KDM3A: variants seen among roughly 807,000 people sequenced by gnomAD.
KDM3A encodes the protein lysine demethylase 3A, also known as lysine-specific demethylase 3A.
Under a neutral mutation model 158.0 loss-of-function variants are expected in KDM3A, and 60 were observed. The ratio of observed to expected loss-of-function variants is 0.38; its 90% CI spans 0.31 to 0.47. The LOEUF (loss-of-function observed/expected upper bound fraction) is 0.47, where lower values mean the gene tolerates loss of function less well. Ranked by LOEUF, KDM3A falls within the 20% of genes least tolerant of loss-of-function variation. KDM3A has a pLI of 0.99. For missense variants in KDM3A, 1,319 were observed against 1,574.3 expected, an observed-to-expected ratio of 0.84 and a Z score of 2.74; for synonymous variants, 608 against 549.3, an observed-to-expected ratio of 1.11 and a Z score of -1.49.
Position 86,456,995 on chromosome 2 carries a change from G to A in KDM3A, c.767G>A (p.Arg256Lys), listed in dbSNP as rs1199844078. Reference protein sequence around the residue: ...DNLVTCGNSARIGAVKRKSSE... With the variant: ...DNLVTCGNSAKIGAVKRKSSE... ...TTAAATATTTTAGGTAATTCTGCAA[G>A]AATTGGAGCTGTAAAACGCAAGTCT... The change falls in exon 8 of 26, where the codon AGA becomes AAA. Residue 256 changes from arginine to lysine, a missense_variant. Physicochemically the swap from Arg to Lys is conservative, Grantham distance 26. Transcript: ENST00000312912. The A allele has an allele frequency of 1.9e-6, 3 of 1,600,740 alleles. No individual in the cohort carries two copies. Among genetic ancestry groups the A allele is most frequent in the Non-Finnish European group, 2.6e-6 (3 of 1,172,332 alleles).
intron 21 of KDM3A, 31 bp from the exon 22 acceptor site, chr2:86,489,287 T>A: frequency 6.2e-7 from 1 of 1,604,808 alleles, no homozygotes; most frequent in Non-Finnish European, 8.5e-7. Flanking sequence ...TTGTTGTCTT[T>A]TGTAAAACTT....
chr2:86,459,475 TGAA>T (rs1041403764), intron 8 of KDM3A, among the ~76,000 whole-genome samples: 4 of 152,066 alleles, frequency 2.6e-5, no homozygotes, highest in African/African-American at 9.7e-5. Context: ...GGGAGTATGA[TGAA>T]GAGGAGAGCT....
chr2:86,451,271 G>A (rs1312814599), intron 4 of KDM3A, 58 bp downstream of exon 4: 1 of 1,097,002 alleles, frequency 9.1e-7, no homozygotes, highest in African/African-American at 1.6e-5. Context: ...CCTTTAACAT[G>A]AGAAGTAAAG....
At position 86,491,257 on chromosome 2, in the gene KDM3A, T is replaced by C. The variant is rs775990773; in HGVS notation, c.3867T>C (p.Asn1289=). 2.5e-6 allele frequency: 4 copies of C among 1,613,844 alleles called. No individual in the cohort carries two copies. The Admixed American group carries it at 6.7e-5, about 27-fold the overall frequency. Residue 1289 remains asparagine (N), a synonymous_variant, in exon 25 of 26, where the codon AAT becomes AAC. Coordinates refer to ENST00000312912, the MANE Select transcript of KDM3A (RefSeq NM_018433.6). ...EFRYLSQTHT[N]HEDKLQVKNV... Reference sequence around the variant, plus strand: ...GATATCTGTCACAGACTCATACCAATCACGAAGATAAATTACAGGTAAAAA... The same window carrying C: ...GATATCTGTCACAGACTCATACCAACCACGAAGATAAATTACAGGTAAAAA...
chr2:86,457,176 G>A, intron 8 of KDM3A, 105 bp downstream of exon 8: 1 of 386,280 alleles, frequency 2.6e-6, no homozygotes, highest in Non-Finnish European at 4.3e-6. Flanking sequence ...TTTTTTTAGA[G>A]ATAGGATCTC....
chr2:86,484,412 T>G (rs953804655), intron 19 of KDM3A, among the ~76,000 whole-genome samples: 4 of 152,230 alleles, frequency 2.6e-5, no homozygotes, highest in African/African-American at 9.6e-5. Context: ...CTGAGCAGAA[T>G]AAGTAATTTC....
chr2:86,461,314 T>C (rs542444570), intron 8 of KDM3A, among the ~76,000 whole-genome samples: 2 of 152,286 alleles, frequency 1.3e-5, no homozygotes, highest in African/African-American at 2.4e-5. Flanking sequence ...CCTCCATCCC[T>C]CCTTCCAACA....
At chr2:86,441,997 T>G in intron 1 of KDM3A, 21 bp from the exon 2 acceptor site, 17 of 1,573,932 alleles carry the variant, frequency 1.1e-5, no homozygotes, top group East Asian at 2.3e-5. Context: ...CCCGTCGCAT[T>G]TTGTTTTTGT....
At chr2:86,489,749 G>A (rs1428502081) in intron 23 of KDM3A, 90 bp downstream of exon 23, 86 of 1,411,882 alleles carry the variant, frequency 6.1e-5, no homozygotes, top group Non-Finnish European at 7.5e-5. Flanking sequence ...TTGGCTAGGG[G>A]AATTGTCACA....
chr2:86,462,030 A>T (rs557854798), intron 8 of KDM3A, among the ~76,000 whole-genome samples: 25 of 152,266 alleles, frequency 1.6e-4, no homozygotes, highest in African/African-American at 5.8e-4. Context: ...CTTGGGTAGG[A>T]TGCAGAGGAT....
Position 86,466,377 on chromosome 2 carries a change from A to C in KDM3A, c.1013A>C (p.His338Pro). 1 of 1,607,092 alleles carries C rather than the reference A, an allele frequency of 6.2e-7. No homozygotes were observed. Among genetic ancestry groups the C allele is most frequent in the Non-Finnish European group, 8.5e-7 (1 of 1,176,928 alleles). ...NLGAKIPQGC[H>P]KQSLPEEISS... ...TTCTATATTATATTTTTCAGATGTC[A>C]TAAACAAAGTTTACCAGAGGAAATT... is the stretch of plus-strand genomic sequence containing the variant. Residue 338 changes from histidine to proline, a missense_variant, in exon 10 of 26, where the codon CAT (histidine) becomes CCT (proline). By Grantham distance (77) the His-to-Pro change is moderately conservative. Around this residue, in one of 4 missense-constraint regions of KDM3A, gnomAD observed 652 missense variants for 627.2 expected, o/e 1.04. Coordinates refer to ENST00000312912, the MANE Select transcript of KDM3A (RefSeq NM_018433.6).
intron 16 of KDM3A, among the ~76,000 whole-genome samples, chr2:86,480,741 C>T (rs987198118): frequency 2.6e-5 from 4 of 152,102 alleles, no homozygotes; most frequent in African/African-American, 9.7e-5. Flanking sequence ...ATAAGGAGCT[C>T]TTAAAAGAAC....
At chr2:86,469,235 C>G (rs996706206) in intron 10 of KDM3A, among the ~76,000 whole-genome samples, 3 of 152,026 alleles carry the variant, frequency 2.0e-5, no homozygotes, top group Non-Finnish European at 4.4e-5. Flanking sequence ...TATTTAAAAC[C>G]TTCTTTGGTT....
At chr2:86,481,848 A>C (rs1673945154) in intron 16 of KDM3A, 82 bp from the exon 17 acceptor site, 6 of 1,066,312 alleles carry the variant, frequency 5.6e-6, no homozygotes, top group Non-Finnish European at 8.3e-6. Context: ...GCAAGTTCTA[A>C]AGTAATTCTG....
chr2:86,456,914 C>A (rs748953262), intron 7 of KDM3A, 37 bp downstream of exon 7: 1 of 1,573,130 alleles, frequency 6.4e-7, no homozygotes, highest in Non-Finnish European at 8.7e-7. Context: ...TCTCCTTCCT[C>A]CTTTCCTCCG....
At position 86,449,776 on chromosome 2, in the gene KDM3A, C is replaced by T. The variant is rs777143124; in HGVS notation, c.187-31C>T. On this transcript the variant is annotated intron_variant, in intron 2 of 25. Transcript: ENST00000312912. Reference sequence around the variant, plus strand: ...TGCTTATTTTAATAAATTGAATCTGCTTCCCCCACCCCCCAATTTTGTCTG... The same window carrying T: ...TGCTTATTTTAATAAATTGAATCTGTTTCCCCCACCCCCCAATTTTGTCTG... 6 of 1,572,664 alleles carry T rather than the reference C, an allele frequency of 3.8e-6. 1 individual carries two copies. Among genetic ancestry groups the T allele is most frequent in the Middle Eastern group, 3.4e-4 (2 of 5,860 alleles).
Position 86,492,444 on chromosome 2 carries a change from A to ATAAC in KDM3A, c.*328_*331dup, listed in dbSNP as rs1248317420. 1.2e-5 allele frequency: 3 copies of ATAAC among 255,574 alleles called. No individual in the cohort carries two copies. The highest frequency in any genetic ancestry group is 2.3e-5 in the Non-Finnish European group (3 of 131,996). The allele number at this position is 255,574 out of a possible 1,614,324, so 15.8% of individuals were successfully genotyped here. A position where few individuals can be genotyped will look rare whatever the true frequency, so the allele number is the denominator to read the frequency against. On this transcript the variant is annotated 3_prime_UTR_variant, in exon 26 of 26. Transcript: ENST00000312912. ...TGTTTGGACAACTTAGATTGGGTTT[A>ATAAC]TAACTATTAGGAATCACTGCACAGT...
At chr2:86,463,095 C>G (rs1672991733) in intron 8 of KDM3A, among the ~76,000 whole-genome samples, 1 of 151,848 alleles carries the variant, frequency 6.6e-6, no homozygotes, top group African/African-American at 2.4e-5. Flanking sequence ...GTCTCAAAAA[C>G]AAAAAACAAA....
intron 11 of KDM3A, among the ~76,000 whole-genome samples, chr2:86,472,598 G>GC (rs1381115059): frequency 1.3e-5 from 2 of 152,080 alleles, no homozygotes; most frequent in African/African-American, 4.8e-5. Flanking sequence ...CATTTTGACT[G>GC]CTTGAAATAA....
Sources: gnomAD v4.1 joint callset for allele counts (sites outside exome capture counted in the v4.1 genomes callset) on GRCh38, gnomAD v4.1.1 for gene constraint, gnomAD v4.1.1 regional missense constraint, MANE v1.5 for transcripts, NCBI Gene and HGNC (gene_info 2026-07-23, HGNC 2026-07-21) for gene names.